DIP2B: variants seen among roughly 807,000 people sequenced by gnomAD.
DIP2B encodes DIP2 acetate--CoA ligase B (putative), also known as disco-interacting protein 2 homolog B.
Under a neutral mutation model 198.0 loss-of-function variants are expected in DIP2B, and 76 were observed. The ratio of observed to expected loss-of-function variants is 0.38; its 90% CI spans 0.32 to 0.46. The LOEUF (loss-of-function observed/expected upper bound fraction) is 0.46. DIP2B is among the 20% of genes least tolerant of loss of function. DIP2B has a pLI of 0.99. For missense variants in DIP2B, 1,559 were observed against 1,978.4 expected, an observed-to-expected ratio of 0.79 and a Z score of 4.02; for synonymous variants, 701 against 739.1, an observed-to-expected ratio of 0.95 and a Z score of 0.84.
chr12:50,628,668 C>G (rs1937983766), intron 2 of DIP2B, among the ~76,000 whole-genome samples: 1 of 152,180 alleles, frequency 6.6e-6, no homozygotes, highest in African/African-American at 2.4e-5. Flanking sequence ...CCTCCATTTA[C>G]TTGTCAGCCA....
intron 4 of DIP2B, among the ~76,000 whole-genome samples, chr12:50,665,103 A>G (rs907237558): frequency 6.6e-6 from 1 of 151,884 alleles, no homozygotes; most frequent in African/African-American, 2.4e-5. Flanking sequence ...GATTCTCCAA[A>G]GTGTTGGGAT....
At chr12:50,568,280 T>C (rs565834014) in intron 1 of DIP2B, among the ~76,000 whole-genome samples, 1 of 152,192 alleles carries the variant, frequency 6.6e-6, no homozygotes, top group Non-Finnish European at 1.5e-5. Context: ...TTATGTAGAA[T>C]TGGGGATCCC....
intron 29 of DIP2B, 66 bp downstream of exon 29, chr12:50,727,878 T>G: frequency 1.4e-6 from 2 of 1,403,636 alleles, no homozygotes; most frequent in Non-Finnish European, 2.0e-6. Context: ...CCCCAGAAAC[T>G]ATAGATGCAG....
At chr12:50,583,546 G>T (rs1958743844) in intron 1 of DIP2B, among the ~76,000 whole-genome samples, 1 of 152,070 alleles carries the variant, frequency 6.6e-6, no homozygotes, top group South Asian at 2.1e-4. Flanking sequence ...AGGATTTTTT[G>T]ACTTTACGAA....
chr12:50,516,411 C>A (rs543816304), intron 1 of DIP2B, among the ~76,000 whole-genome samples: 1 of 152,176 alleles, frequency 6.6e-6, no homozygotes, highest in East Asian at 1.9e-4. Flanking sequence ...TGTGCCACCA[C>A]ACCTGGCTGA....
intron 3 of DIP2B, among the ~76,000 whole-genome samples, chr12:50,644,088 C>T (rs1230940725): frequency 3.9e-5 from 6 of 152,188 alleles, no homozygotes; most frequent in Non-Finnish European, 8.8e-5. Flanking sequence ...TCTAAATAGA[C>T]TTAGTGTTCA....
intron 1 of DIP2B, among the ~76,000 whole-genome samples, chr12:50,603,756 T>G (rs1958958783): frequency 6.6e-6 from 1 of 152,150 alleles, no homozygotes; most frequent in South Asian, 2.1e-4. Context: ...TTTTGTGATA[T>G]TTAGTGCAGA....
intron 2 of DIP2B, among the ~76,000 whole-genome samples, chr12:50,626,741 T>C (rs1418527342): frequency 6.6e-6 from 1 of 151,876 alleles, no homozygotes; most frequent in African/African-American, 2.4e-5. Flanking sequence ...CCAAAGTGTG[T>C]TTCTGCAAGC....
rs138065695 is a variant in DIP2B at position 50,606,636 on chromosome 12, C to G, written c.101-19340C>G. 7.8e-3 allele frequency among the ~76,000 whole-genome samples: 1,182 copies of G among 152,234 alleles called. 17 individuals carry two copies. Among genetic ancestry groups the G allele is most frequent in the African/African-American group, 0.025 (1,053 of 41,534 alleles). On this transcript the variant is annotated intron_variant, in intron 1 of 37. Transcript: ENST00000301180. ...TTCCAAAAAGGCATACAACTCATAT[C>G]AGGACCCTTTGATTTGTAATTTTTT...
intron 3 of DIP2B, among the ~76,000 whole-genome samples, chr12:50,659,253 G>A (rs1231379661): frequency 9.9e-5 from 15 of 152,152 alleles, no homozygotes; most frequent in Admixed American, 8.5e-4. Flanking sequence ...TGTCGTTAAA[G>A]TGATTCCATT....
At chr12:50,731,665 AG>A in intron 31 of DIP2B, 128 bp downstream of exon 31, 1 of 1,169,482 alleles carries the variant, frequency 8.6e-7, no homozygotes, top group South Asian at 1.9e-5. Context: ...CAGTTAAAAA[AG>A]GGTGTATTTT....
intron 3 of DIP2B, among the ~76,000 whole-genome samples, chr12:50,645,017 C>A (rs1361185252): frequency 6.6e-6 from 1 of 152,092 alleles, no homozygotes; most frequent in African/African-American, 2.4e-5. Flanking sequence ...GGACATTTTT[C>A]TCATTTTTAA....
At chr12:50,505,418 G>T (rs1173264474) in intron 1 of DIP2B, among the ~76,000 whole-genome samples, 178 bp downstream of exon 1, 14 of 152,314 alleles carry the variant, frequency 9.2e-5, no homozygotes, top group Admixed American at 7.8e-4. Flanking sequence ...GTGGTTTCCT[G>T]TGGCTTTCAT....
chr12:50,630,136 G>A (rs1457453739), intron 2 of DIP2B, among the ~76,000 whole-genome samples: 1 of 151,770 alleles, frequency 6.6e-6, no homozygotes, highest in Non-Finnish European at 1.5e-5. Context: ...TTTTAGTAGA[G>A]ACAGGGTTTC....
chr12:50,569,411 G>A lies in DIP2B; in HGVS notation c.101-56565G>A, dbSNP rs76363315. Among the ~76,000 whole-genome samples the A allele has an allele frequency of 2.3e-3, 353 of 152,318 alleles. 2 individuals carry two copies. The highest frequency in any genetic ancestry group is 7.8e-3 in the African/African-American group (326 of 41,566). On this transcript the variant is annotated intron_variant, in intron 1 of 37. Transcript: ENST00000301180. ...TTTTTGTTACTGAAAACCCAGGGGC[G>A]TGTTATGTGGCTGGTAATATCTTTT...
chr12:50,516,089 C>T (rs1565809392), intron 1 of DIP2B, among the ~76,000 whole-genome samples: 1 of 152,082 alleles, frequency 6.6e-6, no homozygotes, highest in Admixed American at 6.5e-5. Flanking sequence ...AAAGATGGCA[C>T]CTTCTTGTTG....
intron 30 of DIP2B, 132 bp downstream of exon 30, chr12:50,728,810 A>G: frequency 3.2e-6 from 4 of 1,237,552 alleles, no homozygotes; most frequent in Non-Finnish European, 4.4e-6. Flanking sequence ...GAATTTATGG[A>G]TCTACTGTGT....
intron 1 of DIP2B, among the ~76,000 whole-genome samples, chr12:50,579,219 C>T (rs1958692148): frequency 6.6e-6 from 1 of 151,982 alleles, no homozygotes; most frequent in Non-Finnish European, 1.5e-5. Flanking sequence ...GATATTTTCT[C>T]AAAAATGAAT....
chr12:50,727,841 T>C, intron 29 of DIP2B, 29 bp downstream of exon 29: 1 of 1,579,320 alleles, frequency 6.3e-7, no homozygotes, highest in Non-Finnish European at 8.6e-7. Context: ...AAATGCCACA[T>C]CTGCCAAAAA....
Sources: gnomAD v4.1 joint callset for allele counts (sites outside exome capture counted in the v4.1 genomes callset) on GRCh38, gnomAD v4.1.1 for gene constraint, MANE v1.5 for transcripts, NCBI Gene and HGNC (gene_info 2026-07-23, HGNC 2026-07-21) for gene names.